UPF2: variants seen among roughly 807,000 people sequenced by gnomAD.
UPF2 encodes UPF2 regulator of nonsense mediated mRNA decay.
UPF2 carries 17 observed loss-of-function variants against 141.4 expected under a neutral mutation model. The observed-to-expected ratio is 0.12, with a 90% confidence interval of 0.08 to 0.18. The LOEUF (loss-of-function observed/expected upper bound fraction) is 0.18. UPF2 is among the 10% of genes least tolerant of loss of function. The pLI is 1.00. For missense variants in UPF2, 1,152 were observed against 1,515.9 expected (o/e 0.76, Z 3.99); for synonymous variants, 540 against 498.0 (o/e 1.08, Z -1.12).
chr10:12,012,195 T>C (rs1385376076), intron 4 of UPF2, among the ~76,000 whole-genome samples: 2 of 150,972 alleles, frequency 1.3e-5, no homozygotes, highest in Non-Finnish European at 2.9e-5. Context: ...CCTGAGTAGC[T>C]GGGATTACAG....
At position 12,014,324 on chromosome 10, in the gene UPF2, G is replaced by A; in HGVS notation, c.1146-140C>T. The A allele has an allele frequency of 1.2e-6, 1 of 847,948 alleles. No individual in the cohort carries two copies. The highest frequency in any genetic ancestry group is 5.6e-5 in the South Asian group (1 of 17,788). 52.5% of individuals were successfully genotyped at this position (847,948 alleles called of 1,614,324 possible). On this transcript the variant is annotated intron_variant, in intron 3 of 21. Transcript: ENST00000357604. The surrounding 1 kb of genome is among the most constrained non-coding windows in gnomAD (Gnocchi z 5.0). ...CATTTTTATTTAACATTTGAATCTA[G>A]TATTTTCAAAATGTATCTGAAATGT...
At chr10:11,948,247 C>CAAAAA (rs139062017) in intron 16 of UPF2, 122 bp downstream of exon 16, 20 of 472,692 alleles carry the variant, frequency 4.2e-5, no homozygotes, top group Admixed American at 5.7e-5. Context: ...GACTCTGTCT[C>CAAAAA]AAAAAAAAAA....
Position 11,980,473 on chromosome 10 carries a change from C to T in UPF2, c.1845-1308G>A, listed in dbSNP as rs1252320592. Reference sequence around the variant, plus strand: ...ATTATCGCTGAGTGGAGGCCGGGCACGGTGGCTCACATCTGTAATCCCAGC... The same window carrying T: ...ATTATCGCTGAGTGGAGGCCGGGCATGGTGGCTCACATCTGTAATCCCAGC... On this transcript the variant is annotated intron_variant, in intron 8 of 21. Coordinates refer to ENST00000357604, the MANE Select transcript of UPF2 (RefSeq NM_015542.4). The surrounding 1 kb of genome is among the most constrained non-coding windows in gnomAD (Gnocchi z 4.2). 2.6e-5 allele frequency among the ~76,000 whole-genome samples: 4 copies of T among 152,106 alleles called. No individual in the cohort carries two copies. The highest frequency in any genetic ancestry group is 5.9e-5 in the Non-Finnish European group (4 of 68,004).
rs1554787148 is a variant in UPF2, at chr10:12,038,743, A to AAC, written c.-18-3303_-18-3302insGT. ...GACTCCGTCTCAAAAATACAAAAAA[A>AAC]AACAACAACAACAACAAAAGAAAAA... On this transcript the variant is annotated intron_variant, in intron 1 of 21. Transcript: ENST00000357604. Among the ~76,000 whole-genome samples the AAC allele has an allele frequency of 1.8e-4, 28 of 152,064 alleles. 1 individual carries two copies. Among genetic ancestry groups the AAC allele is most frequent in the African/African-American group, 6.0e-4 (25 of 41,438 alleles).
intron 8 of UPF2, among the ~76,000 whole-genome samples, chr10:11,985,721 T>TGTCACATCAGTCACATTAAA (rs1445679008): frequency 1.3e-5 from 2 of 151,612 alleles, no homozygotes; most frequent in Non-Finnish European, 2.9e-5. Flanking sequence ...GAGTGCAAAA[T>TGTCACATCAGTCACATTAAA]GTCACATCAG....
intron 17 of UPF2, 126 bp from the exon 18 acceptor site, chr10:11,942,889 C>T (rs1261175481): frequency 3.3e-6 from 3 of 915,204 alleles, no homozygotes; most frequent in Admixed American, 2.7e-5. Flanking sequence ...AAATATCTAA[C>T]ATTATTCAAT....
At chr10:12,025,858 G>A (rs184765551) in intron 3 of UPF2, among the ~76,000 whole-genome samples, 86 of 152,266 alleles carry the variant, frequency 5.6e-4, no homozygotes, top group African/African-American at 1.9e-3. Context: ...GCAGTGGTGC[G>A]ATCATGGCTT....
At chr10:12,022,709 A>T (rs1224962361) in intron 3 of UPF2, among the ~76,000 whole-genome samples, 12 of 152,222 alleles carry the variant, frequency 7.9e-5, no homozygotes, top group Admixed American at 7.9e-4. Flanking sequence ...ACTACCAATT[A>T]AACAACCTAC....
chr10:11,932,418 T>C (rs1209145960), intron 19 of UPF2, among the ~76,000 whole-genome samples: 1 of 152,204 alleles, frequency 6.6e-6, no homozygotes, highest in Non-Finnish European at 1.5e-5. Flanking sequence ...ATATAGGCTT[T>C]CTTATTCACG....
chr10:11,968,886 A>G (rs902827993), intron 9 of UPF2, among the ~76,000 whole-genome samples: 2 of 152,206 alleles, frequency 1.3e-5, no homozygotes, highest in African/African-American at 2.4e-5. Context: ...TTTCTGAGAC[A>G]GTCTCACTCT....
chr10:12,010,899 C>A (rs996305588), intron 4 of UPF2, among the ~76,000 whole-genome samples: 1 of 151,674 alleles, frequency 6.6e-6, no homozygotes, highest in African/African-American at 2.4e-5. Context: ...CTTGATGGAA[C>A]AATGCAAGCT....
chr10:11,952,312 T>G, intron 14 of UPF2, 63 bp from the exon 15 acceptor site: 1 of 1,396,202 alleles, frequency 7.2e-7, no homozygotes, highest in Non-Finnish European at 9.6e-7. Flanking sequence ...TTTAAAATAA[T>G]AAACTATATT....
intron 18 of UPF2, among the ~76,000 whole-genome samples, chr10:11,937,146 G>A (rs894454298): frequency 6.6e-6 from 1 of 152,256 alleles, no homozygotes; most frequent in Non-Finnish European, 1.5e-5. Context: ...CACAGCAGGA[G>A]TTCAGGGAGT....
intron 2 of UPF2, among the ~76,000 whole-genome samples, chr10:12,034,056 G>C (rs1834575606): frequency 6.6e-6 from 1 of 152,196 alleles, no homozygotes; most frequent in Non-Finnish European, 1.5e-5. Context: ...AAGTTTTAAA[G>C]TCAGACCAAC....
In UPF2 at chr10:11,959,422, C is replaced by A. The variant is rs952197037; in HGVS notation, c.2185-66G>T. The A allele has an allele frequency of 3.4e-5, 50 of 1,462,558 alleles. No individual in the cohort carries two copies. Among genetic ancestry groups the A allele is most frequent in the Non-Finnish European group, 4.2e-5 (46 of 1,100,448 alleles). 90.6% of individuals were successfully genotyped at this position (1,462,558 alleles called of 1,614,324 possible). On this transcript the variant is annotated intron_variant, in intron 11 of 21. Coordinates refer to ENST00000357604, the MANE Select transcript of UPF2 (RefSeq NM_015542.4). This position sits in a 1 kb window ranked among gnomAD's most constrained non-coding sequence, Gnocchi z 5.9. ...TAAGATTCCTTTACTCCTAACTAAA[C>A]TTCTATTCTCAGTGATTTGCTATTT... is the stretch of plus-strand genomic sequence containing the variant.
chr10:12,035,750 T>A, intron 1 of UPF2: 1 of 202,704 alleles, frequency 4.9e-6, no homozygotes. Context: ...ATTCAGCCAC[T>A]ATCAACTCCA....
chr10:12,028,639 A>G, intron 3 of UPF2, 106 bp downstream of exon 3: 1 of 1,166,870 alleles, frequency 8.6e-7, no homozygotes, highest in Non-Finnish European at 1.2e-6. Context: ...AATCACCTGT[A>G]AGGAGCCCTT....
chr10:11,988,154 G>C (rs1278361849), intron 8 of UPF2, among the ~76,000 whole-genome samples: 2 of 152,202 alleles, frequency 1.3e-5, no homozygotes, highest in East Asian at 3.8e-4. Flanking sequence ...CACATGAAAA[G>C]ATGCTCAACG....
chr10:11,939,794 G>A lies in UPF2; in HGVS notation c.3378+2871C>T, dbSNP rs562639262. ...GGCCTCCCAAAGTGCTGGGATTACA[G>A]GTGTGAGCCACAGTGCCCAGCCATG... On this transcript the variant is annotated intron_variant, in intron 18 of 21. Coordinates refer to ENST00000357604, the MANE Select transcript of UPF2 (RefSeq NM_015542.4). This position sits in a 1 kb window ranked among gnomAD's most constrained non-coding sequence, Gnocchi z 4.8. Among the ~76,000 whole-genome samples the A allele has an allele frequency of 1.6e-3, 243 of 152,284 alleles. No individual in the cohort carries two copies. The highest frequency in any genetic ancestry group is 2.9e-3 in the Non-Finnish European group (195 of 68,030).
Sources: allele counts gnomAD v4.1 joint callset (sites outside exome capture counted in the v4.1 genomes callset), GRCh38; gene constraint gnomAD v4.1.1; non-coding constraint Gnocchi (gnomAD v3.1); transcripts MANE v1.5; gene names NCBI Gene and HGNC (gene_info 2026-07-23, HGNC 2026-07-21).